NME5: variants seen among roughly 807,000 people sequenced by gnomAD.
The protein encoded by NME5 is NME/NM23 family member 5, also known as nucleoside diphosphate kinase 5.
Under a neutral mutation model 21.6 loss-of-function variants are expected in NME5, and 18 were observed. That is an observed-to-expected ratio of 0.83 (90% CI 0.58 to 1.24). The LOEUF is 1.24. Ranked by LOEUF, NME5 falls within the 50% of genes most tolerant of loss-of-function variation. The pLI is 0.00. For synonymous variants in NME5, 70 were observed against 80.6 expected, an observed-to-expected ratio of 0.87 and a Z score of 0.71; for missense variants, 223 against 255.4, an observed-to-expected ratio of 0.87 and a Z score of 0.86.
intron 4 of NME5, among the ~76,000 whole-genome samples, chr5:138,125,221 C>T (rs1245491515): frequency 6.6e-6 from 1 of 152,166 alleles, no homozygotes; most frequent in Non-Finnish European, 1.5e-5. Context: ...CACACCCAGA[C>T]TGTATATTTA....
At chr5:138,119,766 C>T (rs1011521044) in intron 4 of NME5, among the ~76,000 whole-genome samples, 1 of 151,822 alleles carries the variant, frequency 6.6e-6, no homozygotes, top group African/African-American at 2.4e-5. Flanking sequence ...AAGCAATTCT[C>T]CTGCCTCAGC....
rs146658380 is a variant in NME5, at chr5:138,139,393, T to C, written c.-28A>G. 3.0e-3 allele frequency: 2,915 copies of C among 985,644 alleles called. 5 individuals carry two copies. Among genetic ancestry groups the C allele is most frequent in the South Asian group, 4.6e-3 (99 of 21,298 alleles). 61.1% of individuals were successfully genotyped at this position (985,644 alleles called of 1,614,324 possible). On this transcript the variant is annotated 5_prime_UTR_variant, in exon 1 of 6. Transcript: ENST00000265191. The stretch of plus-strand genomic sequence containing the variant: ...CACCTCAGCGGCCGTCCTCATATGG[T>C]ACAACTTGTTGCTAGGAGACCTGAA...
chr5:138,132,950 T>TG (rs1751603479), intron 2 of NME5, among the ~76,000 whole-genome samples: 1 of 151,792 alleles, frequency 6.6e-6, no homozygotes, highest in Non-Finnish European at 1.5e-5. Context: ...GTTTTTTTTT[T>TG]TTGTTTTTTC....
chr5:138,127,850 C>A, intron 4 of NME5: 1 of 193,042 alleles, frequency 5.2e-6, no homozygotes, highest in African/African-American at 2.4e-5. Context: ...ACAAACTCTA[C>A]TGAACCTTTC....
At chr5:138,120,833 T>C (rs1751271430) in intron 4 of NME5, among the ~76,000 whole-genome samples, 1 of 152,190 alleles carries the variant, frequency 6.6e-6, no homozygotes, top group Non-Finnish European at 1.5e-5. Context: ...TCAATTTACA[T>C]GGGTTACATC....
At chr5:138,128,455 A>G in intron 4 of NME5, 24 bp downstream of exon 4, 11 of 1,542,340 alleles carry the variant, frequency 7.1e-6, no homozygotes, top group Non-Finnish European at 9.8e-6. Context: ...GATGCAGTTG[A>G]CAAGTTAGTC....
chr5:138,138,678 GAAT>G lies in NME5; in HGVS notation c.100_102del (p.Ile34del), dbSNP rs775320329. On this transcript the variant is annotated inframe_deletion, in exon 2 of 6. Transcript: ENST00000265191. The stretch of plus-strand genomic sequence containing the variant: ...TGAACAATGGTGAATCCGGATCTAA[GAAT>G]AATATCTTGTATCTCCTCCTCTTTG... 51 of 1,612,040 alleles carry G rather than the reference GAAT, an allele frequency of 3.2e-5. No individual in the cohort carries two copies. The highest frequency in any genetic ancestry group is 3.9e-5 in the Non-Finnish European group (46 of 1,179,484).
At chr5:138,133,437 A>C (rs1031566167) in intron 2 of NME5, among the ~76,000 whole-genome samples, 9 of 152,118 alleles carry the variant, frequency 5.9e-5, no homozygotes, top group Middle Eastern at 3.2e-3. Flanking sequence ...AATTGATACT[A>C]AATCAATTAT....
chr5:138,121,855 T>C (rs1009459203), intron 4 of NME5, among the ~76,000 whole-genome samples: 1 of 152,144 alleles, frequency 6.6e-6, no homozygotes, highest in South Asian at 2.1e-4. Context: ...TAAAATTTTC[T>C]TTAAATTTTT....
At chr5:138,115,982 A>T (rs1481903679) in intron 5 of NME5, among the ~76,000 whole-genome samples, 1 of 152,212 alleles carries the variant, frequency 6.6e-6, no homozygotes. Context: ...AGATGGCATA[A>T]ACCTACATGT....
chr5:138,136,092 G>T (rs1751691838), intron 2 of NME5, among the ~76,000 whole-genome samples: 1 of 152,146 alleles, frequency 6.6e-6, no homozygotes, highest in Admixed American at 6.5e-5. Context: ...CCCAACCTGG[G>T]TTATTTTCAA....
intron 4 of NME5, among the ~76,000 whole-genome samples, chr5:138,123,290 C>T (rs1271980564): frequency 6.6e-6 from 1 of 152,068 alleles, no homozygotes; most frequent in Non-Finnish European, 1.5e-5. Context: ...TTTTCAACAA[C>T]ACATTATTAT....
intron 1 of NME5, 188 bp downstream of exon 1, chr5:138,139,182 TG>T: frequency 4.8e-6 from 1 of 207,826 alleles, no homozygotes; most frequent in Non-Finnish European, 8.7e-6. Flanking sequence ...CGGTGGCTGG[TG>T]GGCAACCACA....
chr5:138,119,449 C>T (rs999750710), intron 4 of NME5, among the ~76,000 whole-genome samples: 2 of 151,888 alleles, frequency 1.3e-5, no homozygotes, highest in African/African-American at 2.4e-5. Flanking sequence ...CCTCCTGTCT[C>T]GGCCTCCCAA....
chr5:138,131,208 A>G (rs1427094172), intron 2 of NME5, among the ~76,000 whole-genome samples: 2 of 77,302 alleles, frequency 2.6e-5, no homozygotes, highest in African/African-American at 6.3e-5. Context: ...CTCTGCTAAA[A>G]AAAAAAAAAA....
intron 4 of NME5, among the ~76,000 whole-genome samples, chr5:138,124,809 C>A (rs1751362194): frequency 6.6e-6 from 1 of 152,190 alleles, no homozygotes; most frequent in Non-Finnish European, 1.5e-5. Flanking sequence ...GTGTTAGCCA[C>A]CATGCCAGGC....
At chr5:138,133,385 G>A (rs1410359092) in intron 2 of NME5, among the ~76,000 whole-genome samples, 2 of 151,906 alleles carry the variant, frequency 1.3e-5, no homozygotes, top group Admixed American at 6.6e-5. Flanking sequence ...GATTACAGGC[G>A]TGAGCCACCG....
chr5:138,128,522 GTCATTACTCCCATGAAGTGCAT>G lies in NME5; in HGVS notation c.371_392del (p.Asn124ThrfsTer16), dbSNP rs776373207. The G allele has an allele frequency of 3.1e-6, 5 of 1,613,040 alleles. No homozygotes were observed. In the South Asian group the frequency reaches 4.4e-5, roughly 14 times the overall value. On this transcript the variant is annotated frameshift_variant, in exon 4 of 6. Transcript: ENST00000265191. LOFTEE classifies it high-confidence loss of function. ...GTATTTCTCTTTCCGCAGCAGCAAA[GTCATTACTCCCATGAAGTGCAT>G]TCCTTAGGTCATCTGTGCCATAAAT...
In NME5 at chr5:138,129,472, TAA is replaced by T; in HGVS notation, c.130-6_130-5del. The T allele has an allele frequency of 1.2e-6, 2 of 1,608,738 alleles. No individual in the cohort carries two copies. The highest frequency in any genetic ancestry group is 1.7e-6 in the Non-Finnish European group (2 of 1,175,464). On this transcript the variant is annotated splice_region_variant and splice_polypyrimidine_tract_variant and intron_variant, in intron 2 of 5. Coordinates refer to ENST00000265191, the MANE Select transcript of NME5 (RefSeq NM_003551.3). ...GGCTGAGGCGTAGTTTTCTTCTCTA[TAA>T]AAGACACAAAGTCAACAAAAGCATT...
Sources: gnomAD v4.1 joint callset for allele counts (sites outside exome capture counted in the v4.1 genomes callset) on GRCh38, gnomAD v4.1.1 for gene constraint, MANE v1.5 for transcripts, NCBI Gene and HGNC (gene_info 2026-07-23, HGNC 2026-07-21) for gene names.